NKAIN1: variants seen among roughly 807,000 people sequenced by gnomAD.
The protein encoded by NKAIN1 is sodium/potassium transporting ATPase interacting 1.
Under a neutral mutation model 31.6 loss-of-function variants are expected in NKAIN1, and 13 were observed. The observed-to-expected ratio is 0.41, with a 90% CI of 0.27 to 0.65. NKAIN1 has a LOEUF of 0.65. NKAIN1 is among the 30% of genes least tolerant of loss of function. The pLI is 0.30. For missense variants in NKAIN1, 193 were observed against 262.2 expected, an observed-to-expected ratio of 0.74 and a Z score of 1.82; for synonymous variants, 104 against 109.0, an observed-to-expected ratio of 0.95 and a Z score of 0.28.
chr1:31,212,072 T>C (rs747293758), intron 1 of NKAIN1, among the ~76,000 whole-genome samples: 1 of 152,118 alleles, frequency 6.6e-6, no homozygotes, highest in Non-Finnish European at 1.5e-5. Context: ...AAAGTTACAG[T>C]TATCAAGACA....
intron 1 of NKAIN1, among the ~76,000 whole-genome samples, chr1:31,216,774 A>G (rs1174081676): frequency 6.6e-6 from 1 of 151,452 alleles, no homozygotes; most frequent in Non-Finnish European, 1.5e-5. Flanking sequence ...GCTCACTGCA[A>G]CCTCCACCTC....
At chr1:31,204,110 G>C (rs563467056) in intron 1 of NKAIN1, among the ~76,000 whole-genome samples, 1 of 152,254 alleles carries the variant, frequency 6.6e-6, no homozygotes, top group Non-Finnish European at 1.5e-5. Context: ...ACATGATATG[G>C]AGAGGGTATG....
At chr1:31,185,502 C>A (rs1292997331) in intron 2 of NKAIN1, among the ~76,000 whole-genome samples, 175 bp from the exon 3 acceptor site, 1 of 152,208 alleles carries the variant, frequency 6.6e-6, no homozygotes, top group Non-Finnish European at 1.5e-5. Context: ...GGCCTTACAA[C>A]AGCCCTGCAA....
chr1:31,197,362 C>A (rs1264003260), intron 1 of NKAIN1, among the ~76,000 whole-genome samples: 1 of 150,880 alleles, frequency 6.6e-6, no homozygotes, highest in African/African-American at 2.5e-5. Flanking sequence ...CCGCCCGCCT[C>A]AGCCTCCAAA....
chr1:31,235,000 A>G (rs1296885550), intron 1 of NKAIN1, among the ~76,000 whole-genome samples: 1 of 152,240 alleles, frequency 6.6e-6, no homozygotes, highest in Non-Finnish European at 1.5e-5. Context: ...TGCAATAAGA[A>G]GGATGAAAGC....
chr1:31,219,367 T>C (rs1472042244), intron 1 of NKAIN1, among the ~76,000 whole-genome samples: 3 of 152,248 alleles, frequency 2.0e-5, no homozygotes. Flanking sequence ...TGGCGCTGTC[T>C]ATGGGTGGAC....
chr1:31,221,098 C>T (rs566619832), intron 1 of NKAIN1, among the ~76,000 whole-genome samples: 6 of 152,004 alleles, frequency 3.9e-5, no homozygotes, highest in South Asian at 2.1e-4. Flanking sequence ...AGAGATGCTC[C>T]GAGGATGAAA....
Position 31,233,169 on chromosome 1 carries a change from C to T in NKAIN1, c.54+6325G>A, listed in dbSNP as rs938546629. Among the ~76,000 whole-genome samples the T allele has an allele frequency of 1.3e-5, 2 of 152,152 alleles. No individual in the cohort carries two copies. The highest frequency in any genetic ancestry group is 2.9e-5 in the Non-Finnish European group (2 of 68,032). Reference sequence around the variant, plus strand: ...TTCACCACATTGGCCAGGCTGGTTTCGAACTCCTGATCTCAAGTGATCTGC... The same window carrying T: ...TTCACCACATTGGCCAGGCTGGTTTTGAACTCCTGATCTCAAGTGATCTGC... On this transcript the variant is annotated intron_variant, in intron 1 of 6. Transcript: ENST00000373736. This position sits in a 1 kb window ranked among gnomAD's most constrained non-coding sequence, Gnocchi z 4.0.
chr1:31,181,901 C>T lies in NKAIN1; in HGVS notation c.573G>A (p.Ala191=), dbSNP rs1199275650. 1.2e-6 allele frequency: 2 copies of T among 1,607,942 alleles called. No individual in the cohort carries two copies. The highest frequency in any genetic ancestry group is 1.7e-6 in the Non-Finnish European group (2 of 1,177,950). Residue 191 remains alanine (A), a synonymous_variant, in exon 6 of 7, where the codon GCG becomes GCA. Transcript: ENST00000373736. ...GCTGTAAATGCGACGTCTTCTGGGG[C>T]GCCTGGTATCCGTAGGAGTCAAAGC... ...IGGFDSYGYQ[A]PQKTSHLQLQ...
intron 1 of NKAIN1, among the ~76,000 whole-genome samples, chr1:31,212,223 T>C (rs192596034): frequency 6.6e-6 from 1 of 152,182 alleles, no homozygotes; most frequent in East Asian, 1.9e-4. Context: ...TTTCAACAAA[T>C]GTTGCTGGGA....
chr1:31,184,128 G>A, intron 3 of NKAIN1, 114 bp from the exon 4 acceptor site: 6 of 863,432 alleles, frequency 6.9e-6, no homozygotes, highest in Non-Finnish European at 1.1e-5. Context: ...GCCTGCACCT[G>A]CAAGTCCATA....
At chr1:31,187,693 G>C (rs569973708) in intron 2 of NKAIN1, among the ~76,000 whole-genome samples, 1 of 152,200 alleles carries the variant, frequency 6.6e-6, no homozygotes, top group Admixed American at 6.5e-5. Flanking sequence ...CTGAGCTTCA[G>C]TTTCCTCATC....
chr1:31,217,249 C>G (rs1434678747), intron 1 of NKAIN1, among the ~76,000 whole-genome samples: 1 of 152,094 alleles, frequency 6.6e-6, no homozygotes. Flanking sequence ...ACTGCAGCCT[C>G]CAACTCCTGG....
intron 1 of NKAIN1, among the ~76,000 whole-genome samples, chr1:31,232,947 A>G (rs1569592717): frequency 6.6e-6 from 1 of 152,124 alleles, no homozygotes; most frequent in Non-Finnish European, 1.5e-5. Context: ...TAGAGTTGTT[A>G]TGAGGATGGA....
intron 1 of NKAIN1, among the ~76,000 whole-genome samples, chr1:31,194,536 A>T (rs1272617850): frequency 6.7e-6 from 1 of 148,702 alleles, no homozygotes; most frequent in Admixed American, 6.8e-5. Context: ...CCTCCCGAGT[A>T]GCTGGGATTA....
chr1:31,220,569 A>G (rs1421315198), intron 1 of NKAIN1, among the ~76,000 whole-genome samples: 1 of 151,942 alleles, frequency 6.6e-6, no homozygotes, highest in African/African-American at 2.4e-5. Context: ...AGCCTGGCCA[A>G]CATGGCGAAA....
intron 1 of NKAIN1, among the ~76,000 whole-genome samples, chr1:31,192,745 T>C (rs1570454005): frequency 6.6e-6 from 1 of 151,910 alleles, no homozygotes; most frequent in African/African-American, 2.4e-5. Flanking sequence ...GAGAACAGGG[T>C]CTCGCCCTGT....
intron 1 of NKAIN1, among the ~76,000 whole-genome samples, chr1:31,212,394 AAT>A: frequency 8.4e-6 from 1 of 119,700 alleles, no homozygotes; most frequent in Non-Finnish European, 1.8e-5. Context: ...TGGATTAGGT[AAT>A]AGTTTCTTTT....
intron 1 of NKAIN1, among the ~76,000 whole-genome samples, chr1:31,201,894 G>T (rs1645383080): frequency 6.6e-6 from 1 of 152,162 alleles, no homozygotes; most frequent in Admixed American, 6.5e-5. Context: ...CCCTGGAGGG[G>T]TAATCTTCCT....
Sources: allele counts gnomAD v4.1 joint callset (sites outside exome capture counted in the v4.1 genomes callset), GRCh38; gene constraint gnomAD v4.1.1; non-coding constraint Gnocchi (gnomAD v3.1); transcripts MANE v1.5; gene names NCBI Gene and HGNC (gene_info 2026-07-23, HGNC 2026-07-21).